CSGALNACT1: variants seen among roughly 807,000 people sequenced by gnomAD.
CSGALNACT1 encodes the protein chondroitin sulfate N-acetylgalactosaminyltransferase 1, also known as beta4GalNAcT-1.
Under a neutral mutation model 51.0 loss-of-function variants are expected in CSGALNACT1, and 52 were observed. That is an observed-to-expected ratio of 1.02 (90% CI 0.82 to 1.29). CSGALNACT1 has a LOEUF of 1.29. CSGALNACT1 is among the 50% of genes most tolerant of loss of function. The pLI is 0.00. For synonymous variants in CSGALNACT1, 341 were observed against 254.4 expected (o/e 1.34, Z -3.24); for missense variants, 935 against 679.2 (o/e 1.38, Z -4.19).
chr8:19,594,639 G>T (rs1298214218), intron 2 of CSGALNACT1, among the ~76,000 whole-genome samples: 1 of 152,014 alleles, frequency 6.6e-6, no homozygotes, highest in East Asian at 1.9e-4. Context: ...CACCTCCCAG[G>T]TTCAAGCGAT....
At chr8:19,428,825 A>ATGTGTGTGTGTGTGTGTG (rs59241616) in intron 6 of CSGALNACT1, among the ~76,000 whole-genome samples, 1 of 143,340 alleles carries the variant, frequency 7.0e-6, no homozygotes, top group Non-Finnish European at 1.5e-5. Context: ...AAGACATGAT[A>ATGTGTGTGTGTGTGTGTG]TGTGTGTGTG....
intron 6 of CSGALNACT1, among the ~76,000 whole-genome samples, chr8:19,425,365 C>T (rs946284442): frequency 3.9e-5 from 6 of 152,118 alleles, no homozygotes; most frequent in Non-Finnish European, 7.4e-5. Flanking sequence ...ACCAAAAAAC[C>T]ATTTTCCTGC....
chr8:19,637,559 G>C (rs2056237491), intron 1 of CSGALNACT1, among the ~76,000 whole-genome samples: 1 of 152,082 alleles, frequency 6.6e-6, no homozygotes, highest in African/African-American at 2.4e-5. Flanking sequence ...ACAGTTATGT[G>C]GTCACATGCA....
exon 10 of CSGALNACT1, chr8:19,405,608 T>G (rs1367882760): frequency 1.1e-6 from 1 of 906,776 alleles, no homozygotes. Context: ...AAGCGGAGAT[T>G]TTGATTTCTG....
chr8:19,741,938 T>C (rs1346734327), intron 1 of CSGALNACT1, among the ~76,000 whole-genome samples: 1 of 152,184 alleles, frequency 6.6e-6, no homozygotes, highest in Non-Finnish European at 1.5e-5. Flanking sequence ...AGCAACAGAC[T>C]GCCAAGATTC....
In CSGALNACT1 at chr8:19,656,600, C is replaced by CCA. The variant is rs72048698; in HGVS notation, c.-544+25871_-544+25872dup. Among the ~76,000 whole-genome samples the CCA allele has an allele frequency of 1.0e-3, 142 of 137,930 alleles. 1 individual carries two copies. Among genetic ancestry groups the CCA allele is most frequent in the African/African-American group, 3.6e-3 (132 of 36,664 alleles). The allele number at this position is 137,930 out of a possible 152,430, so 90.5% of individuals were successfully genotyped here. ...AACCAGGAGAAACTACGCCCCCCCC[C>CCA]CACACACACACACGAGATCAGCAAA... On this transcript the variant is annotated intron_variant, in intron 1 of 9. Coordinates refer to the CSGALNACT1 transcript ENST00000332246.
chr8:19,702,735 T>C (rs2061949071), intron 1 of CSGALNACT1, among the ~76,000 whole-genome samples: 1 of 152,076 alleles, frequency 6.6e-6, no homozygotes, highest in African/African-American at 2.4e-5. Flanking sequence ...GTTCCATGTG[T>C]CTATACCAGA....
chr8:19,531,805 T>A (rs922417136), intron 3 of CSGALNACT1: 3 of 152,232 alleles, frequency 2.0e-5, no homozygotes, highest in Non-Finnish European at 4.4e-5. Context: ...CATAGCCTGT[T>A]CTGCTCTACT....
intron 9 of CSGALNACT1, among the ~76,000 whole-genome samples, chr8:19,408,042 T>C (rs117418500): frequency 2.0e-5 from 3 of 152,220 alleles, no homozygotes; most frequent in East Asian, 1.9e-4. Context: ...TTTGAATATG[T>C]GCTTCCTCCC....
chr8:19,685,834 T>G (rs1479515728), upstream of CSGALNACT1, among the ~76,000 whole-genome samples: 4 of 152,128 alleles, frequency 2.6e-5, no homozygotes, highest in East Asian at 7.7e-4. Context: ...AAGAGGTAGT[T>G]TTGGAGTAAG....
intron 1 of CSGALNACT1, among the ~76,000 whole-genome samples, chr8:19,725,240 C>T (rs538647390): frequency 6.6e-6 from 1 of 152,266 alleles, no homozygotes; most frequent in South Asian, 2.1e-4. Flanking sequence ...TGCAGCCCAC[C>T]CTCCATTCTA....
At chr8:19,429,870 T>C (rs1222960964) in intron 6 of CSGALNACT1, among the ~76,000 whole-genome samples, 1 of 152,218 alleles carries the variant, frequency 6.6e-6, no homozygotes, top group Non-Finnish European at 1.5e-5. Flanking sequence ...CCAATTTCTC[T>C]GCCTCCTCAG....
At chr8:19,518,836 G>C (rs1218414598) in intron 3 of CSGALNACT1, among the ~76,000 whole-genome samples, 5 of 152,202 alleles carry the variant, frequency 3.3e-5, no homozygotes, top group Non-Finnish European at 7.3e-5. Flanking sequence ...GGCACGATCA[G>C]AGGTGTGAAT....
intron 1 of CSGALNACT1, among the ~76,000 whole-genome samples, chr8:19,727,160 G>A (rs930632400): frequency 1.3e-5 from 2 of 152,140 alleles, no homozygotes; most frequent in Non-Finnish European, 2.9e-5. Flanking sequence ...GAAGAGATGT[G>A]ATTCCCCAAA....
intron 1 of CSGALNACT1, among the ~76,000 whole-genome samples, chr8:19,658,667 G>A (rs2058501533): frequency 6.6e-6 from 1 of 152,280 alleles, no homozygotes; most frequent in East Asian, 1.9e-4. Context: ...CTGGGGGGCA[G>A]AGGTTACAGT....
At chr8:19,507,037 T>C (rs1464620411) in intron 3 of CSGALNACT1, among the ~76,000 whole-genome samples, 1 of 152,208 alleles carries the variant, frequency 6.6e-6, no homozygotes, top group Non-Finnish European at 1.5e-5. Context: ...GACATGGTTC[T>C]GAGCTTTCTG....
At chr8:19,555,113 C>T (rs1564026265) in intron 3 of CSGALNACT1, among the ~76,000 whole-genome samples, 1 of 151,860 alleles carries the variant, frequency 6.6e-6, no homozygotes, top group Non-Finnish European at 1.5e-5. Context: ...GTGCTGAGCG[C>T]CTGTAGTTCC....
In CSGALNACT1 at chr8:19,479,093, T is replaced by C. The variant is rs112427687; in HGVS notation, c.635-20451A>G. Among the ~76,000 whole-genome samples the C allele has an allele frequency of 3.1e-3, 467 of 152,358 alleles. 6 individuals are homozygous for C. The highest frequency in any genetic ancestry group is 0.011 in the African/African-American group (446 of 41,586). The stretch of plus-strand genomic sequence containing the variant: ...TATTAATGACTGCTATTATGATACA[T>C]GCATTGTTATGATGCGATGAAGCAG... On this transcript the variant is annotated intron_variant, in intron 4 of 9. Transcript: ENST00000454498.
chr8:19,502,040 G>A (rs1198222376), intron 4 of CSGALNACT1, among the ~76,000 whole-genome samples: 2 of 152,204 alleles, frequency 1.3e-5, no homozygotes, highest in African/African-American at 4.8e-5. Context: ...AATCAATATA[G>A]ATAAATTAGA....
Sources: allele counts gnomAD v4.1 joint callset (sites outside exome capture counted in the v4.1 genomes callset), GRCh38; gene constraint gnomAD v4.1.1; transcripts MANE v1.5; gene names NCBI Gene and HGNC (gene_info 2026-07-23, HGNC 2026-07-21).